Variants in DIPK1A observed in about 807,000 individuals in gnomAD.
DIPK1A encodes divergent protein kinase domain 1A.
DIPK1A carries 27 observed loss-of-function variants against 40.8 expected under a neutral mutation model. The observed-to-expected ratio is 0.66, with a 90% CI of 0.49 to 0.91. The LOEUF (loss-of-function observed/expected upper bound fraction) is 0.91, where lower values mean the gene tolerates loss of function less well. Among genes scored for constraint, DIPK1A ranks in the 40% least tolerant of loss-of-function variants. DIPK1A has a pLI of 0.00. For missense variants in DIPK1A, 412 were observed against 505.7 expected, an observed-to-expected ratio of 0.81 and a Z score of 1.78; for synonymous variants, 166 against 171.3, an observed-to-expected ratio of 0.97 and a Z score of 0.24.
intron 1 of DIPK1A, among the ~76,000 whole-genome samples, chr1:92,936,342 G>C (rs1650943046): frequency 6.6e-6 from 1 of 151,868 alleles, no homozygotes; most frequent in Admixed American, 6.6e-5. Flanking sequence ...AAGAAGCTCA[G>C]AGAAACTGGG....
chr1:92,842,304 A>G lies in DIPK1A; in HGVS notation c.*1079T>C. The stretch of plus-strand genomic sequence containing the variant: ...CCAGTGATGGTCACATAGATTTTTA[A>G]CATGTTCCACTTTAGGTAGGCGAAA... On this transcript the variant is annotated 3_prime_UTR_variant, in exon 5 of 5. Coordinates refer to ENST00000370310, the MANE Select transcript of DIPK1A (RefSeq NM_001006605.5). 1 of 986,398 alleles carries G rather than the reference A, an allele frequency of 1.0e-6. No homozygotes were observed. The highest frequency in any genetic ancestry group is 1.2e-6 in the Non-Finnish European group (1 of 830,560). 61.1% of individuals were successfully genotyped at this position (986,398 alleles called of 1,614,324 possible).
At chr1:92,935,295 T>C (rs1002114969) in intron 1 of DIPK1A, among the ~76,000 whole-genome samples, 9 of 152,228 alleles carry the variant, frequency 5.9e-5, no homozygotes, top group African/African-American at 2.2e-4. Context: ...ACATTCCCGT[T>C]CAGTGTTTTG....
intron 1 of DIPK1A, among the ~76,000 whole-genome samples, chr1:92,892,718 G>T (rs1292153276): frequency 6.6e-6 from 1 of 152,112 alleles, no homozygotes; most frequent in East Asian, 1.9e-4. Context: ...AAAGGAGGAA[G>T]TTCGAACCCA....
intron 1 of DIPK1A, among the ~76,000 whole-genome samples, chr1:92,891,749 C>T (rs946172390): frequency 1.3e-5 from 2 of 152,292 alleles, no homozygotes; most frequent in Admixed American, 1.3e-4. Flanking sequence ...CAGGGAATTC[C>T]CTTTCCTAGC....
downstream of DIPK1A, chr1:92,837,363 C>T (rs749211199): frequency 9.2e-7 from 1 of 1,088,534 alleles, no homozygotes; most frequent in Non-Finnish European, 1.4e-6. Flanking sequence ...ATAATTGTTT[C>T]AAGACGGGAC....
chr1:92,856,911 C>T (rs1688005168), intron 2 of DIPK1A, among the ~76,000 whole-genome samples: 1 of 151,848 alleles, frequency 6.6e-6, no homozygotes, highest in South Asian at 2.1e-4. Flanking sequence ...TAATGCCCCT[C>T]AACAGGAGAA....
intron 2 of DIPK1A, among the ~76,000 whole-genome samples, chr1:92,854,042 A>G (rs1687907362): frequency 6.6e-6 from 1 of 152,106 alleles, no homozygotes; most frequent in Admixed American, 6.6e-5. Flanking sequence ...ATGTGCCACT[A>G]TGCCTGGTTA....
Position 92,844,174 on chromosome 1 carries a change from T to C in DIPK1A, c.496A>G (p.Asn166Asp). ...LFKAKLGDQG[N>D]LSELVNLILT... Reference sequence around the variant, plus strand: ...ATGAGATTAACCAGTTCAGAGAGGTTTCCTTGGTCACCCAATTTTGCCTGT... The same window carrying C: ...ATGAGATTAACCAGTTCAGAGAGGTCTCCTTGGTCACCCAATTTTGCCTGT... Residue 166 changes from asparagine (N) to aspartate (D), a missense_variant, in exon 5 of 5, where the codon AAC becomes GAC. Asn to Asp is a conservative substitution (Grantham distance 23). Transcript: ENST00000370310. 6.5e-7 allele frequency: 1 copy of C among 1,545,802 alleles called. No individual in the cohort carries two copies. The highest frequency in any genetic ancestry group is 8.7e-7 in the Non-Finnish European group (1 of 1,142,966).
intron 1 of DIPK1A, among the ~76,000 whole-genome samples, chr1:92,928,464 A>AT (rs1571133223): frequency 6.6e-6 from 1 of 152,184 alleles, no homozygotes; most frequent in Non-Finnish European, 1.5e-5. Context: ...CTGATTTGCC[A>AT]TTTCTATTGA....
At chr1:92,889,457 A>G (rs1004367144) in intron 1 of DIPK1A, among the ~76,000 whole-genome samples, 4 of 152,018 alleles carry the variant, frequency 2.6e-5, no homozygotes, top group Admixed American at 2.0e-4. Context: ...CTTTTTTCTC[A>G]GGATTACTTT....
intron 4 of DIPK1A, chr1:92,836,173 ATTG>A: frequency 6.2e-7 from 1 of 1,603,986 alleles, no homozygotes; most frequent in Non-Finnish European, 8.5e-7. Flanking sequence ...CAGCATTTAC[ATTG>A]GTTTCTTGAA....
At chr1:92,920,140 A>G (rs2100851972) in intron 1 of DIPK1A, among the ~76,000 whole-genome samples, 1 of 152,342 alleles carries the variant, frequency 6.6e-6, no homozygotes, top group East Asian at 1.9e-4. Flanking sequence ...ACCATCTAAT[A>G]TGATAAAAAT....
chr1:92,851,019 A>T, intron 2 of DIPK1A, 64 bp from the exon 3 acceptor site: 1 of 1,021,376 alleles, frequency 9.8e-7, no homozygotes, highest in Admixed American at 2.3e-5. Context: ...GCATAAAGAG[A>T]TATCTATATC....
chr1:92,923,493 A>G (rs536375833), intron 1 of DIPK1A, among the ~76,000 whole-genome samples: 2 of 152,294 alleles, frequency 1.3e-5, no homozygotes, highest in East Asian at 1.9e-4. Context: ...TGAATCAACT[A>G]AGGATGCTAG....
In DIPK1A at chr1:92,893,570, G is replaced by A. The variant is rs1448278102; in HGVS notation, c.55-17140C>T. On this transcript the variant is annotated intron_variant, in intron 1 of 4. Transcript: ENST00000370310. ...AACATGCCAAACTGTAAAGACCATC[G>A]AGGCTAGGAAGAAACTGCATCAACT... Among the ~76,000 whole-genome samples the A allele has an allele frequency of 3.3e-5, 5 of 151,034 alleles. No homozygotes were observed. The South Asian group carries it at 6.3e-4, about 19-fold the overall frequency.
chr1:92,941,598 A>G (rs1027113854), intron 1 of DIPK1A, among the ~76,000 whole-genome samples: 1 of 152,190 alleles, frequency 6.6e-6, no homozygotes, highest in Non-Finnish European at 1.5e-5. Flanking sequence ...TAGTTTTTAC[A>G]TCCAGGGCAA....
chr1:92,934,040 A>C lies in DIPK1A; in HGVS notation c.54+27336T>G, dbSNP rs559070440. ...GGTGAAATTTGAGAGACATTATGAA[A>C]GTAAACTTCTTAGGATTTGTCAACA... is the stretch of plus-strand genomic sequence containing the variant. On this transcript the variant is annotated intron_variant, in intron 1 of 4. Coordinates refer to ENST00000370310, the MANE Select transcript of DIPK1A (RefSeq NM_001006605.5). 2.6e-5 allele frequency: 4 copies of C among 152,356 alleles called. No homozygotes were observed. In the East Asian group the frequency reaches 7.7e-4, roughly 29 times the overall value. The allele number at this position is 152,356 out of a possible 1,614,324, so 9.4% of individuals were successfully genotyped here.
At chr1:92,836,604 G>A in intron 4 of DIPK1A, 1 of 566,130 alleles carries the variant, frequency 1.8e-6, no homozygotes. Context: ...TTTGTCCCAA[G>A]TTTTTCGGGC....
At chr1:92,860,996 A>G (rs1647235972) in intron 2 of DIPK1A, among the ~76,000 whole-genome samples, 1 of 152,172 alleles carries the variant, frequency 6.6e-6, no homozygotes, top group African/African-American at 2.4e-5. Context: ...TACATCAAAC[A>G]TCGGTGGATT....
Sources: allele counts gnomAD v4.1 joint callset (sites outside exome capture counted in the v4.1 genomes callset), GRCh38; gene constraint gnomAD v4.1.1; transcripts MANE v1.5; gene names NCBI Gene and HGNC (gene_info 2026-07-23, HGNC 2026-07-21).